Variants in ARHGAP26 observed in about 807,000 individuals in gnomAD.
ARHGAP26 encodes the protein rho GTPase-activating protein 26.
A neutral mutation model predicts 104.8 loss-of-function variants in ARHGAP26; 38 were observed. That is an observed-to-expected ratio of 0.36 (90% confidence interval 0.28 to 0.48). The LOEUF is 0.48. Among genes scored for constraint, ARHGAP26 ranks in the 20% least tolerant of loss-of-function variants. The pLI is 0.99. For missense variants in ARHGAP26, 704 were observed against 947.9 expected, an observed-to-expected ratio of 0.74 and a Z score of 3.38; for synonymous variants, 341 against 340.0, an observed-to-expected ratio of 1.00 and a Z score of -0.03.
At chr5:143,210,014 G>A (rs1436846064) in intron 21 of ARHGAP26, among the ~76,000 whole-genome samples, 1 of 152,154 alleles carries the variant, frequency 6.6e-6, no homozygotes, top group Non-Finnish European at 1.5e-5. Context: ...CCTGAGCAAA[G>A]CCTTTATAAG....
intron 11 of ARHGAP26, among the ~76,000 whole-genome samples, chr5:142,997,752 CT>C (rs376062186): frequency 0.04 from 5,815 of 144,942 alleles, 149 homozygotes; most frequent in Middle Eastern, 0.077. Context: ...TTTAGTGCTA[CT>C]TTTTTTTTTT....
chr5:142,948,417 T>G (rs1400957352), intron 11 of ARHGAP26, among the ~76,000 whole-genome samples: 1 of 151,460 alleles, frequency 6.6e-6, no homozygotes, highest in African/African-American at 2.4e-5. Flanking sequence ...TAAATATATA[T>G]ATATATAATA....
At chr5:143,058,607 A>G (rs1199761485) in intron 17 of ARHGAP26, among the ~76,000 whole-genome samples, 2 of 152,380 alleles carry the variant, frequency 1.3e-5, no homozygotes, top group East Asian at 3.9e-4. Flanking sequence ...TAAACCCTAC[A>G]TTCTATTGAA....
intron 20 of ARHGAP26, among the ~76,000 whole-genome samples, chr5:143,195,432 CA>C (rs1454519754): frequency 2.0e-5 from 3 of 152,172 alleles, no homozygotes; most frequent in African/African-American, 7.2e-5. Flanking sequence ...CTAGTCCAAA[CA>C]GGAAATATTC....
chr5:142,940,472 C>T (rs916082504), intron 11 of ARHGAP26, among the ~76,000 whole-genome samples: 15 of 152,076 alleles, frequency 9.9e-5, no homozygotes, highest in Non-Finnish European at 1.6e-4. Context: ...TCCCTCCTCC[C>T]GCCCTCCACT....
chr5:142,991,605 A>G (rs772649364), intron 11 of ARHGAP26, among the ~76,000 whole-genome samples: 2 of 152,054 alleles, frequency 1.3e-5, no homozygotes, highest in African/African-American at 4.8e-5. Context: ...CCCACTTTTT[A>G]TCTTTATACC....
chr5:142,923,667 G>C (rs1763495017), intron 10 of ARHGAP26, among the ~76,000 whole-genome samples: 1 of 152,062 alleles, frequency 6.6e-6, no homozygotes, highest in Non-Finnish European at 1.5e-5. Context: ...AGATGTCTTT[G>C]GGCTTCCCGA....
intron 11 of ARHGAP26, among the ~76,000 whole-genome samples, chr5:142,935,706 A>G (rs37224): frequency 0.22 from 33,027 of 152,174 alleles, 3,991 homozygotes; most frequent in East Asian, 0.46. Flanking sequence ...TGTATAAATG[A>G]TGGCAGAAGG....
At chr5:143,027,165 G>T (rs1781168483) in intron 12 of ARHGAP26, among the ~76,000 whole-genome samples, 1 of 127,552 alleles carries the variant, frequency 7.8e-6, no homozygotes, top group Non-Finnish European at 1.5e-5. Flanking sequence ...TCACCTTCAT[G>T]ATTTTTTGTG....
chr5:142,879,109 G>A (rs554135085), intron 3 of ARHGAP26, among the ~76,000 whole-genome samples: 5 of 152,284 alleles, frequency 3.3e-5, no homozygotes, highest in South Asian at 2.1e-4. Flanking sequence ...TCAGAGGATC[G>A]CTTACAGTTT....
chr5:143,202,663 T>C (rs1442278669), intron 20 of ARHGAP26: 2 of 152,138 alleles, frequency 1.3e-5, no homozygotes, highest in Admixed American at 1.3e-4. Context: ...ACATGCTACC[T>C]GGATTCAAAC....
At chr5:142,886,468 G>A (rs1325751777) in intron 5 of ARHGAP26, among the ~76,000 whole-genome samples, 1 of 152,170 alleles carries the variant, frequency 6.6e-6, no homozygotes, top group African/African-American at 2.4e-5. Flanking sequence ...TAGTGATAAG[G>A]ACCATTACTC....
intron 17 of ARHGAP26, among the ~76,000 whole-genome samples, chr5:143,068,577 C>T (rs988169422): frequency 6.6e-6 from 1 of 152,210 alleles, no homozygotes; most frequent in African/African-American, 2.4e-5. Context: ...CTTTCTTCTA[C>T]GCCATTAACT....
intron 11 of ARHGAP26, among the ~76,000 whole-genome samples, chr5:143,002,964 A>G (rs1041061575): frequency 2.6e-5 from 4 of 152,202 alleles, no homozygotes; most frequent in Admixed American, 6.5e-5. Context: ...CTGATGGTCT[A>G]TTGTGGTCTA....
chr5:143,030,850 A>G (rs1190215462), intron 12 of ARHGAP26, among the ~76,000 whole-genome samples: 2 of 152,232 alleles, frequency 1.3e-5, no homozygotes, highest in Non-Finnish European at 2.9e-5. Flanking sequence ...CAGTGAAGTA[A>G]ATATACCTGG....
chr5:143,019,509 C>G (rs1017933765), intron 12 of ARHGAP26, among the ~76,000 whole-genome samples: 1 of 152,026 alleles, frequency 6.6e-6, no homozygotes, highest in African/African-American at 2.4e-5. Flanking sequence ...AAATTTACTC[C>G]CCAAAGACTA....
intron 1 of ARHGAP26, among the ~76,000 whole-genome samples, chr5:142,796,328 G>A (rs1760987790): frequency 6.6e-6 from 1 of 152,098 alleles, no homozygotes; most frequent in Non-Finnish European, 1.5e-5. Context: ...CTCTGTCTTT[G>A]AGCAAATTAT....
chr5:143,027,601 G>A (rs1174568499), intron 12 of ARHGAP26, among the ~76,000 whole-genome samples: 1 of 152,060 alleles, frequency 6.6e-6, no homozygotes, highest in Non-Finnish European at 1.5e-5. Flanking sequence ...TGCTATGTGT[G>A]ATAAATCAGT....
intron 22 of ARHGAP26, among the ~76,000 whole-genome samples, chr5:143,221,699 A>G (rs934735141): frequency 6.6e-6 from 1 of 152,048 alleles, no homozygotes; most frequent in Non-Finnish European, 1.5e-5. Flanking sequence ...GTTTTTGTAT[A>G]TTTTGTAGAG....
Sources: gnomAD v4.1 joint callset for allele counts (sites outside exome capture counted in the v4.1 genomes callset) on GRCh38, gnomAD v4.1.1 for gene constraint, MANE v1.5 for transcripts, NCBI Gene and HGNC (gene_info 2026-07-23, HGNC 2026-07-21) for gene names.